SNTG1: variants seen among roughly 807,000 people sequenced by gnomAD.
SNTG1 encodes the protein gamma-1-syntrophin.
SNTG1 carries 39 observed loss-of-function variants against 74.7 expected under a neutral mutation model. The observed-to-expected ratio is 0.52, with a 90% confidence interval of 0.40 to 0.68. SNTG1 has a LOEUF of 0.68. Among genes scored for constraint, SNTG1 ranks in the 30% least tolerant of loss-of-function variants. SNTG1 has a pLI of 0.00. For synonymous variants in SNTG1, 254 were observed against 217.1 expected (o/e 1.17, Z -1.49); for missense variants, 685 against 609.5 (o/e 1.12, Z -1.30).
At chr8:50,615,896 A>G (rs2094882611) in intron 13 of SNTG1, among the ~76,000 whole-genome samples, 1 of 152,194 alleles carries the variant, frequency 6.6e-6, no homozygotes, top group African/African-American at 2.4e-5. Context: ...TGATCAATCA[A>G]TCACTTGATC....
At position 50,722,051 on chromosome 8, in the gene SNTG1, A is replaced by G. The variant is rs1392035705; in HGVS notation, c.1284+13073A>G. On this transcript the variant is annotated intron_variant, in intron 17 of 18. Transcript: ENST00000642720. ...CTTAATATGAAAAATTCTGCTTGAT[A>G]AAATTTCAACATTTCATCTTCAATT... 2.7e-5 allele frequency among the ~76,000 whole-genome samples: 4 copies of G among 150,476 alleles called. No homozygotes were observed. The South Asian group carries it at 8.5e-4, about 32-fold the overall frequency.
At chr8:50,268,653 A>AG (rs1563822884) in intron 2 of SNTG1, among the ~76,000 whole-genome samples, 1 of 95,796 alleles carries the variant, frequency 1.0e-5, no homozygotes, top group Non-Finnish European at 2.7e-5. Context: ...ATACATATTC[A>AG]ATTTTTTTTT....
intron 1 of SNTG1, among the ~76,000 whole-genome samples, chr8:50,089,655 G>A (rs1463442255): frequency 6.6e-6 from 1 of 152,144 alleles, no homozygotes; most frequent in Non-Finnish European, 1.5e-5. Context: ...CACATGAAAA[G>A]ATGCTCATCA....
intron 12 of SNTG1, among the ~76,000 whole-genome samples, chr8:50,574,980 G>A (rs571270602): frequency 6.6e-6 from 1 of 152,262 alleles, no homozygotes; most frequent in Non-Finnish European, 1.5e-5. Flanking sequence ...ATCTATTGAT[G>A]TTTGATCATA....
chr8:49,989,791 A>T (rs1368144665), intron 1 of SNTG1, among the ~76,000 whole-genome samples: 1 of 149,530 alleles, frequency 6.7e-6, no homozygotes, highest in Non-Finnish European at 1.5e-5. Context: ...GGTAGTTTTA[A>T]CATCTAAAAA....
chr8:50,427,090 T>C (rs1265176171), intron 4 of SNTG1, among the ~76,000 whole-genome samples: 1 of 152,118 alleles, frequency 6.6e-6, no homozygotes, highest in Admixed American at 6.6e-5. Context: ...CCACAGATAC[T>C]GAGGAATGGT....
At chr8:50,451,210 C>CA (rs1182395818) in intron 8 of SNTG1, among the ~76,000 whole-genome samples, 3 of 151,956 alleles carry the variant, frequency 2.0e-5, no homozygotes, top group Non-Finnish European at 4.4e-5. Flanking sequence ...AAAAATAATA[C>CA]AAAAAATAAT....
intron 17 of SNTG1, among the ~76,000 whole-genome samples, chr8:50,741,524 G>C (rs1001391172): frequency 5.9e-5 from 9 of 152,010 alleles, no homozygotes; most frequent in African/African-American, 2.2e-4. Flanking sequence ...CTTATTCCAT[G>C]GTATTTACTC....
chr8:50,706,438 C>A (rs2095443618), intron 16 of SNTG1, among the ~76,000 whole-genome samples: 1 of 152,034 alleles, frequency 6.6e-6, no homozygotes, highest in South Asian at 2.1e-4. Flanking sequence ...CTACAATAGT[C>A]CACTTCGCTT....
chr8:49,986,555 G>C (rs1202141228), intron 1 of SNTG1, among the ~76,000 whole-genome samples: 1 of 151,990 alleles, frequency 6.6e-6, no homozygotes, highest in African/African-American at 2.4e-5. Flanking sequence ...CATCTGAGTG[G>C]CCATGCCTGT....
intron 1 of SNTG1, among the ~76,000 whole-genome samples, chr8:50,053,961 C>T (rs1484102141): frequency 6.6e-6 from 1 of 152,038 alleles, no homozygotes; most frequent in Non-Finnish European, 1.5e-5. Context: ...TCATTACTAG[C>T]AGGGACTGTG....
rs1265797057 is a variant in SNTG1, at chr8:49,934,183, T to G, written c.-103+21952T>G. On this transcript the variant is annotated intron_variant, in intron 1 of 18. Transcript: ENST00000642720. ...TCTCTAGTCTTTATAAGGTATACCT[T>G]ACTTAAATTGATACCTTCCCTGATT... Among the ~76,000 whole-genome samples the G allele has an allele frequency of 2.0e-5, 3 of 152,096 alleles. No homozygotes were observed. In the East Asian group the frequency reaches 5.8e-4, roughly 29 times the overall value.
At chr8:50,226,722 G>A (rs1161790410) in intron 2 of SNTG1, among the ~76,000 whole-genome samples, 1 of 152,090 alleles carries the variant, frequency 6.6e-6, no homozygotes, top group Non-Finnish European at 1.5e-5. Context: ...TTTCTTAAGT[G>A]TATTTGGTTG....
intron 18 of SNTG1, among the ~76,000 whole-genome samples, chr8:50,755,979 T>C (rs1461035289): frequency 1.3e-5 from 2 of 151,844 alleles, no homozygotes. Context: ...TATATATTCT[T>C]TGGTAAGATA....
chr8:50,270,725 A>G (rs950002206), intron 2 of SNTG1, among the ~76,000 whole-genome samples: 4 of 152,208 alleles, frequency 2.6e-5, no homozygotes, highest in African/African-American at 9.6e-5. Flanking sequence ...GTGCATTATG[A>G]ATGAAGACAA....
intron 2 of SNTG1, among the ~76,000 whole-genome samples, chr8:50,293,153 G>T (rs1312880345): frequency 6.6e-6 from 1 of 152,140 alleles, no homozygotes; most frequent in Non-Finnish European, 1.5e-5. Context: ...TGTCTGCTAG[G>T]GTTATCATAG....
intron 2 of SNTG1, among the ~76,000 whole-genome samples, chr8:50,323,106 GGAA>G (rs1481498311): frequency 4.0e-4 from 17 of 42,450 alleles, no homozygotes; most frequent in East Asian, 4.3e-3. Context: ...AGACTTGTCT[GGAA>G]AAAAAAAAAA....
At chr8:50,253,652 T>C (rs2086745183) in intron 2 of SNTG1, among the ~76,000 whole-genome samples, 1 of 144,622 alleles carries the variant, frequency 6.9e-6, no homozygotes, top group African/African-American at 2.4e-5. Context: ...TACACACATA[T>C]ATATGTATAC....
rs370713540 is a variant in SNTG1 at position 49,915,710 on chromosome 8, G to A, written c.-103+3479G>A. 3.9e-5 allele frequency among the ~76,000 whole-genome samples: 6 copies of A among 152,218 alleles called. No individual in the cohort carries two copies. In the South Asian group the frequency reaches 6.2e-4, roughly 16 times the overall value. On this transcript the variant is annotated intron_variant, in intron 1 of 18. Coordinates refer to ENST00000642720, the MANE Select transcript of SNTG1 (RefSeq NM_018967.5). ...GTGATATTGATAAGGAAACTCATAC[G>A]ATGAAATACACTTCAAAACTCCATA...
Sources: gnomAD v4.1 joint callset for allele counts (sites outside exome capture counted in the v4.1 genomes callset) on GRCh38, gnomAD v4.1.1 for gene constraint, MANE v1.5 for transcripts, NCBI Gene and HGNC (gene_info 2026-07-23, HGNC 2026-07-21) for gene names.